Variants in ELOVL7 observed in about 807,000 individuals in gnomAD.
ELOVL7 encodes the protein very long chain fatty acid elongase 7.
A neutral mutation model predicts 35.7 loss-of-function variants in ELOVL7; 27 were observed. The observed-to-expected ratio is 0.76, with a 90% CI of 0.56 to 1.04. The LOEUF is 1.04. Among genes scored for constraint, ELOVL7 ranks in the 50% least tolerant of loss-of-function variants. ELOVL7 has a pLI of 0.00. For synonymous variants in ELOVL7, 113 were observed against 114.6 expected (o/e 0.99, Z 0.09); for missense variants, 327 against 340.8 (o/e 0.96, Z 0.32).
At position 60,770,051 on chromosome 5, in the gene ELOVL7, G is replaced by A. The variant is rs549087721; in HGVS notation, c.255+1852C>T. On this transcript the variant is annotated intron_variant, in intron 4 of 8. Transcript: ENST00000508821. The stretch of plus-strand genomic sequence containing the variant: ...GGGTGACAGAGCGAGACCCTTTCTG[G>A]TGAAAAAAAAAAAAAAAAGAATTCC... Among the ~76,000 whole-genome samples the A allele has an allele frequency of 4.6e-5, 5 of 109,026 alleles. No homozygotes were observed. In the East Asian group the frequency reaches 1.3e-3, roughly 28 times the overall value. 71.5% of individuals were successfully genotyped at this position (109,026 alleles called of 152,430 possible).
intron 1 of ELOVL7, among the ~76,000 whole-genome samples, chr5:60,835,712 C>T (rs966776092): frequency 6.6e-6 from 1 of 152,096 alleles, no homozygotes; most frequent in East Asian, 1.9e-4. Flanking sequence ...TGCACCCAGC[C>T]ATCTTTCTGA....
chr5:60,792,471 T>C (rs1327204616), intron 2 of ELOVL7, among the ~76,000 whole-genome samples: 2 of 152,188 alleles, frequency 1.3e-5, no homozygotes, highest in African/African-American at 2.4e-5. Flanking sequence ...CTGAATTATA[T>C]TGCAAGTATA....
intron 7 of ELOVL7, among the ~76,000 whole-genome samples, chr5:60,763,445 C>T (rs544222094): frequency 3.3e-5 from 5 of 152,296 alleles, no homozygotes; most frequent in Non-Finnish European, 5.9e-5. Context: ...GCAAGCTATT[C>T]ACAGAAATGT....
chr5:60,764,614 T>C (rs182339312), intron 6 of ELOVL7, among the ~76,000 whole-genome samples: 18 of 151,820 alleles, frequency 1.2e-4, no homozygotes, highest in Middle Eastern at 3.4e-3. Flanking sequence ...GTAAGGAATA[T>C]GGCCAAAATT....
chr5:60,835,638 C>T (rs914597151), intron 1 of ELOVL7, among the ~76,000 whole-genome samples: 1 of 151,940 alleles, frequency 6.6e-6, no homozygotes, highest in African/African-American at 2.4e-5. Flanking sequence ...GTCTTCAACT[C>T]CTGTCCTCAA....
intron 1 of ELOVL7, among the ~76,000 whole-genome samples, chr5:60,802,049 C>T: frequency 7.9e-6 from 1 of 126,194 alleles, no homozygotes; most frequent in Admixed American, 8.7e-5. Flanking sequence ...CCAATTCTCC[C>T]TAATAAACTC....
At chr5:60,767,220 G>A (rs899897488) in intron 5 of ELOVL7, among the ~76,000 whole-genome samples, 1 of 151,964 alleles carries the variant, frequency 6.6e-6, no homozygotes, top group Non-Finnish European at 1.5e-5. Flanking sequence ...TCACCCTCCC[G>A]AGTAGCTGGG....
chr5:60,754,772 T>C lies in ELOVL7; in HGVS notation c.698A>G (p.Tyr233Cys). 1 of 1,614,182 alleles carries C rather than the reference T, an allele frequency of 6.2e-7. No individual in the cohort carries two copies. The highest frequency in any genetic ancestry group is 1.1e-5 in the South Asian group (1 of 91,090). ...GATGCACGCAAAGACTGGAAACTGATACTTGCAATCCTCCATGAAAAAGAA... is the reference window on the plus strand; with the variant it reads ...GATGCACGCAAAGACTGGAAACTGACACTTGCAATCCTCCATGAAAAAGAA... ...SQFFFMEDCK[Y>C]QFPVFACIIM... The change falls in exon 9 of 9, where the codon TAT (tyrosine) becomes TGT (cysteine). Residue 233 changes from tyrosine to cysteine, a missense_variant. Coordinates refer to ENST00000508821, the MANE Select transcript of ELOVL7 (RefSeq NM_024930.3).
intron 2 of ELOVL7, among the ~76,000 whole-genome samples, chr5:60,789,448 A>C (rs1743793800): frequency 6.6e-6 from 1 of 152,234 alleles, no homozygotes; most frequent in South Asian, 2.1e-4. Flanking sequence ...CAAATGGGCC[A>C]AAATCCAGAC....
chr5:60,836,617 T>G (rs1358359986), intron 1 of ELOVL7, among the ~76,000 whole-genome samples: 2 of 152,044 alleles, frequency 1.3e-5, no homozygotes, highest in Non-Finnish European at 2.9e-5. Flanking sequence ...CTGAACAGAC[T>G]TAAAATAAGT....
chr5:60,775,395 C>T (rs770192813), intron 3 of ELOVL7, among the ~76,000 whole-genome samples: 7 of 152,120 alleles, frequency 4.6e-5, no homozygotes, highest in African/African-American at 7.2e-5. Context: ...GTTAGATGTC[C>T]ATACTGTTCA....
chr5:60,826,116 C>T (rs550306493), intron 1 of ELOVL7, among the ~76,000 whole-genome samples: 5 of 152,134 alleles, frequency 3.3e-5, no homozygotes, highest in South Asian at 2.1e-4. Context: ...CCAAATAGTA[C>T]GTATCTATAA....
At position 60,761,949 on chromosome 5, in the gene ELOVL7, G is replaced by A. The variant is rs1457995492; in HGVS notation, c.499+2278C>T. 2.0e-5 allele frequency among the ~76,000 whole-genome samples: 3 copies of A among 152,172 alleles called. No individual in the cohort carries two copies. The South Asian group carries it at 6.2e-4, about 32-fold the overall frequency. The stretch of plus-strand genomic sequence containing the variant: ...CTGATTCTCCTTCTGTAAGATCGAA[G>A]GGGGCTCGGTTAGTTTCTGCTAGTG... On this transcript the variant is annotated intron_variant, in intron 7 of 8. Transcript: ENST00000508821.
chr5:60,770,409 T>C (rs987963333), intron 4 of ELOVL7, among the ~76,000 whole-genome samples: 1 of 152,214 alleles, frequency 6.6e-6, no homozygotes, highest in African/African-American at 2.4e-5. Context: ...AGAGGTTAAA[T>C]AACTTGCTAA....
chr5:60,802,875 G>A (rs1289336921), intron 1 of ELOVL7, among the ~76,000 whole-genome samples: 3 of 152,212 alleles, frequency 2.0e-5, no homozygotes, highest in Non-Finnish European at 4.4e-5. Context: ...GGCTTAACCA[G>A]TAAGGGGATG....
intron 3 of ELOVL7, among the ~76,000 whole-genome samples, chr5:60,779,085 G>A (rs1743080687): frequency 6.6e-6 from 1 of 152,194 alleles, no homozygotes; most frequent in African/African-American, 2.4e-5. Context: ...GGTGCAAGAG[G>A]TGGGCTCCCA....
chr5:60,806,080 TG>T (rs1394586138), intron 1 of ELOVL7, among the ~76,000 whole-genome samples: 1 of 152,126 alleles, frequency 6.6e-6, no homozygotes, highest in East Asian at 1.9e-4. Flanking sequence ...CCACTATGAC[TG>T]GGGTCTTTAT....
chr5:60,827,713 G>A (rs1024286124), intron 1 of ELOVL7, among the ~76,000 whole-genome samples: 3 of 152,090 alleles, frequency 2.0e-5, no homozygotes, highest in East Asian at 1.9e-4. Flanking sequence ...TTCTACAAAT[G>A]AGCATGTAAT....
intron 3 of ELOVL7, among the ~76,000 whole-genome samples, chr5:60,776,318 T>G (rs965023554): frequency 2.0e-5 from 3 of 152,206 alleles, no homozygotes; most frequent in Non-Finnish European, 2.9e-5. Context: ...GAAAGCAGTT[T>G]GGAGATTTCT....
Sources: allele counts gnomAD v4.1 joint callset (sites outside exome capture counted in the v4.1 genomes callset), GRCh38; gene constraint gnomAD v4.1.1; transcripts MANE v1.5; gene names NCBI Gene and HGNC (gene_info 2026-07-23, HGNC 2026-07-21).